The following COL25A1 variants were observed in gnomAD, a reference collection of about 807,000 sequenced individuals.
The protein encoded by COL25A1 is collagen type XXV alpha 1 chain.
COL25A1 carries 103 observed loss-of-function variants against 128.4 expected under a neutral mutation model. The observed-to-expected ratio is 0.80, with a 90% CI of 0.68 to 0.94. The LOEUF is 0.94. Among genes scored for constraint, COL25A1 ranks in the 40% least tolerant of loss-of-function variants. The pLI, the probability that COL25A1 is intolerant of heterozygous loss-of-function variation, is 0.00. For missense variants in COL25A1, 745 were observed against 840.0 expected (o/e 0.89, Z 1.40); for synonymous variants, 279 against 277.2 (o/e 1.01, Z -0.06).
At chr4:109,076,247 G>A (rs1340365229) in intron 3 of COL25A1, among the ~76,000 whole-genome samples, 1 of 152,140 alleles carries the variant, frequency 6.6e-6, no homozygotes, top group Non-Finnish European at 1.5e-5. Flanking sequence ...GAATTCTGAA[G>A]GGTCATATGA....
chr4:109,167,181 G>T (rs535299715), intron 3 of COL25A1, among the ~76,000 whole-genome samples: 8 of 152,070 alleles, frequency 5.3e-5, no homozygotes, highest in African/African-American at 4.8e-5. Flanking sequence ...TCTTAAGTAG[G>T]TTTAAATAAT....
At chr4:109,121,483 C>T (rs951823974) in intron 3 of COL25A1, among the ~76,000 whole-genome samples, 1 of 152,000 alleles carries the variant, frequency 6.6e-6, no homozygotes, top group Non-Finnish European at 1.5e-5. Context: ...AAAGGTAGCT[C>T]ACCAAAGAAA....
At chr4:109,018,961 T>C (rs148956775) in intron 5 of COL25A1, among the ~76,000 whole-genome samples, 374 of 152,270 alleles carry the variant, frequency 2.5e-3, no homozygotes, top group African/African-American at 8.4e-3. Flanking sequence ...TATAAAGACA[T>C]ACCCAAGTGT....
intron 3 of COL25A1, among the ~76,000 whole-genome samples, chr4:109,218,357 G>GTTTTTTTTTTGTTTTTTT (rs1553961829): frequency 1.4e-5 from 1 of 73,566 alleles, no homozygotes; most frequent in African/African-American, 5.6e-5. Flanking sequence ...GTTTTTTGGG[G>GTTTTTTTTTTGTTTTTTT]TTTTTTTTTT....
chr4:109,290,847 T>A (rs1233872514), intron 3 of COL25A1, among the ~76,000 whole-genome samples: 1 of 152,146 alleles, frequency 6.6e-6, no homozygotes, highest in African/African-American at 2.4e-5. Flanking sequence ...CTGGGCCACA[T>A]GCAGCCTGCA....
intron 3 of COL25A1, among the ~76,000 whole-genome samples, chr4:109,225,178 T>C (rs1027236981): frequency 1.3e-5 from 2 of 152,108 alleles, no homozygotes; most frequent in Admixed American, 1.3e-4. Flanking sequence ...TCTGACAACT[T>C]TGAAAAATAA....
chr4:109,038,950 T>A (rs1351684338), intron 5 of COL25A1, among the ~76,000 whole-genome samples: 2 of 152,166 alleles, frequency 1.3e-5, no homozygotes, highest in Non-Finnish European at 2.9e-5. Context: ...TGCTCTTCCA[T>A]CTTTATTCTC....
intron 7 of COL25A1, 56 bp downstream of exon 7, chr4:108,974,477 T>C (rs1484053076): frequency 6.8e-6 from 11 of 1,606,736 alleles, no homozygotes; most frequent in Non-Finnish European, 9.4e-6. Flanking sequence ...TAACACAGTA[T>C]AGGTCACGCC....
intron 3 of COL25A1, among the ~76,000 whole-genome samples, chr4:109,200,732 G>A (rs548057793): frequency 2.0e-5 from 3 of 152,120 alleles, no homozygotes; most frequent in Non-Finnish European, 4.4e-5. Context: ...GATTACAGGC[G>A]TGAGCCACTG....
chr4:109,011,786 C>G (rs1472304666), intron 5 of COL25A1, among the ~76,000 whole-genome samples: 1 of 152,214 alleles, frequency 6.6e-6, no homozygotes, highest in Non-Finnish European at 1.5e-5. Flanking sequence ...TTCAGATCAA[C>G]TATGGTACAA....
chr4:109,025,339 A>C (rs1758155555), intron 5 of COL25A1, among the ~76,000 whole-genome samples: 1 of 152,198 alleles, frequency 6.6e-6, no homozygotes, highest in African/African-American at 2.4e-5. Flanking sequence ...ATTACACTGT[A>C]TATATTGAGT....
At chr4:109,034,370 A>G (rs1198087897) in intron 5 of COL25A1, among the ~76,000 whole-genome samples, 1 of 152,210 alleles carries the variant, frequency 6.6e-6, no homozygotes, top group African/African-American at 2.4e-5. Context: ...TGGCATGATG[A>G]CTTTGATGAA....
At chr4:108,933,621 A>G (rs1747024226) in intron 11 of COL25A1, among the ~76,000 whole-genome samples, 1 of 152,124 alleles carries the variant, frequency 6.6e-6, no homozygotes, top group South Asian at 2.1e-4. Context: ...ATATCACTAG[A>G]CATTTGTTTT....
chr4:109,111,538 A>C (rs963642756), intron 3 of COL25A1, among the ~76,000 whole-genome samples: 3 of 152,106 alleles, frequency 2.0e-5, no homozygotes, highest in African/African-American at 7.2e-5. Context: ...CTTCCTCTGG[A>C]ACTTCTCTCA....
rs1383703429 is a variant in COL25A1, at chr4:109,254,505, A to ATATATATATATG, written c.367+46077_367+46078insCATATATATATA. Among the ~76,000 whole-genome samples the ATATATATATATG allele has an allele frequency of 7.7e-3, 812 of 104,862 alleles. 36 individuals are homozygous for ATATATATATATG. The highest frequency in any genetic ancestry group is 9.9e-3 in the Non-Finnish European group (515 of 51,794). 68.8% of individuals were successfully genotyped at this position (104,862 alleles called of 152,430 possible). On this transcript the variant is annotated intron_variant, in intron 3 of 37. Coordinates refer to ENST00000399132, the MANE Select transcript of COL25A1 (RefSeq NM_198721.4). ...TATATATATATATATATATATATAT[A>ATATATATATATG]TGTATGTGTGTATATACATATACAT...
chr4:109,047,883 C>T (rs976302363), intron 5 of COL25A1, among the ~76,000 whole-genome samples: 11 of 151,922 alleles, frequency 7.2e-5, no homozygotes, highest in African/African-American at 2.4e-4. Context: ...CAGGCGCCCA[C>T]CAACATGTCC....
intron 13 of COL25A1, among the ~76,000 whole-genome samples, chr4:108,904,403 G>C (rs1743214304): frequency 6.6e-6 from 1 of 152,064 alleles, no homozygotes; most frequent in African/African-American, 2.4e-5. Context: ...TACACTTCAT[G>C]AAGTAAGAAG....
chr4:109,037,552 A>G (rs1283421122), intron 5 of COL25A1, among the ~76,000 whole-genome samples: 2 of 152,182 alleles, frequency 1.3e-5, no homozygotes. Flanking sequence ...TAGGTTCCAA[A>G]TGCCAGTTTA....
At chr4:108,909,262 C>CAA (rs1743923093) in intron 13 of COL25A1, among the ~76,000 whole-genome samples, 1 of 152,156 alleles carries the variant, frequency 6.6e-6, no homozygotes, top group African/African-American at 2.4e-5. Flanking sequence ...GTCATAATTT[C>CAA]CTTAGTTATA....
Sources: allele counts gnomAD v4.1 joint callset (sites outside exome capture counted in the v4.1 genomes callset), GRCh38; gene constraint gnomAD v4.1.1; transcripts MANE v1.5; gene names NCBI Gene and HGNC (gene_info 2026-07-23, HGNC 2026-07-21).